PHTF2: variants seen among roughly 807,000 people sequenced by gnomAD.
PHTF2 encodes protein PHTF2.
In PHTF2, 60 loss-of-function variants were observed where a neutral mutation model predicts 101.2. The observed-to-expected ratio is 0.59, with a 90% CI of 0.48 to 0.73. The LOEUF (loss-of-function observed/expected upper bound fraction) is 0.73, where lower values mean the gene tolerates loss of function less well. Ranked by LOEUF, PHTF2 falls within the 30% of genes least tolerant of loss-of-function variation. The pLI is 0.00. For missense variants in PHTF2, 747 were observed against 908.7 expected (o/e 0.82, Z 2.29); for synonymous variants, 311 against 307.3 (o/e 1.01, Z -0.13).
intron 7 of PHTF2, among the ~76,000 whole-genome samples, chr7:77,908,396 C>T (rs1262643943): frequency 1.3e-5 from 2 of 152,116 alleles, no homozygotes; most frequent in African/African-American, 4.8e-5. Context: ...TAATAAGAAG[C>T]TCTTTGTATC....
At chr7:77,801,556 G>C (rs990834663) in intron 1 of PHTF2, among the ~76,000 whole-genome samples, 3 of 152,122 alleles carry the variant, frequency 2.0e-5, no homozygotes, top group East Asian at 3.9e-4. Flanking sequence ...ACTGCACTTG[G>C]CCTGGGTGAC....
At chr7:77,924,045 A>T (rs1803726999) in intron 11 of PHTF2, 2 of 940,822 alleles carry the variant, frequency 2.1e-6, no homozygotes, top group Non-Finnish European at 2.5e-6. Flanking sequence ...TCGTCTATAA[A>T]GTGAAGAATG....
At chr7:77,921,538 C>T (rs1284072816) in intron 10 of PHTF2, among the ~76,000 whole-genome samples, 1 of 152,118 alleles carries the variant, frequency 6.6e-6, no homozygotes, top group Non-Finnish European at 1.5e-5. Flanking sequence ...ACTACTTGAA[C>T]GTTCATGTAT....
At chr7:77,952,690 TGA>T (rs1271224780) in intron 18 of PHTF2, among the ~76,000 whole-genome samples, 1 of 152,120 alleles carries the variant, frequency 6.6e-6, no homozygotes, top group African/African-American at 2.4e-5. Context: ...GCTACAAAGG[TGA>T]GACTCAATGA....
chr7:77,807,453 A>G (rs1214444425), intron 1 of PHTF2, among the ~76,000 whole-genome samples: 1 of 151,946 alleles, frequency 6.6e-6, no homozygotes, highest in East Asian at 1.9e-4. Flanking sequence ...ATAATTAGTG[A>G]TGTTGAGCAT....
At chr7:77,867,781 A>C (rs983313219) in intron 3 of PHTF2, among the ~76,000 whole-genome samples, 1 of 152,230 alleles carries the variant, frequency 6.6e-6, no homozygotes, top group African/African-American at 2.4e-5. Flanking sequence ...ACATCATCTT[A>C]GATTGGGTGA....
At chr7:77,864,828 T>C (rs1797925015) in intron 3 of PHTF2, among the ~76,000 whole-genome samples, 1 of 152,140 alleles carries the variant, frequency 6.6e-6, no homozygotes, top group African/African-American at 2.4e-5. Flanking sequence ...AGAGTAATAT[T>C]GTAGTTACCT....
At chr7:77,922,017 C>CTTTTT (rs35763664) in intron 10 of PHTF2, among the ~76,000 whole-genome samples, 11 of 95,284 alleles carry the variant, frequency 1.2e-4, no homozygotes, top group African/African-American at 2.7e-4. Context: ...GTTTATATTC[C>CTTTTT]TTTTTTTTTT....
At chr7:77,938,507 G>A (rs1482474532) in intron 13 of PHTF2, among the ~76,000 whole-genome samples, 1 of 151,998 alleles carries the variant, frequency 6.6e-6, no homozygotes, top group Admixed American at 6.6e-5. Flanking sequence ...GAGGCGGGCG[G>A]ATCACAAGGT....
At position 77,841,075 on chromosome 7, in the gene PHTF2, CTTTTTTTTTT is replaced by C. The variant is rs57283892; in HGVS notation, c.45+786_45+795del. On this transcript the variant is annotated intron_variant, in intron 2 of 19. Coordinates refer to ENST00000416283, the Ensembl canonical transcript of PHTF2. ...TTTCTTATATAGGAGAAAAAACAGA[CTTTTTTTTTT>C]TTTTTTTTTTGAGATGGAATCTCTC... 3.1e-3 allele frequency among the ~76,000 whole-genome samples: 242 copies of C among 77,280 alleles called. 14 individuals are homozygous for C. The highest frequency in any genetic ancestry group is 0.016 in the African/African-American group (232 of 14,914). 50.7% of individuals were successfully genotyped at this position (77,280 alleles called of 152,430 possible). A position where few individuals can be genotyped will look rare whatever the true frequency, so the allele number is the denominator to read the frequency against.
intron 1 of PHTF2, among the ~76,000 whole-genome samples, chr7:77,813,340 G>A (rs1254230343): frequency 2.0e-5 from 3 of 152,168 alleles, no homozygotes; most frequent in Non-Finnish European, 4.4e-5. Flanking sequence ...CAGGAGAAGA[G>A]AACATAATCA....
At chr7:77,930,751 A>G (rs570280682) in intron 12 of PHTF2, among the ~76,000 whole-genome samples, 48 of 152,278 alleles carry the variant, frequency 3.2e-4, no homozygotes, top group African/African-American at 1.1e-3. Context: ...TACAACAGCT[A>G]TCTTATCCTT....
At chr7:77,920,612 A>G in intron 10 of PHTF2, 147 bp downstream of exon 9, 3 of 641,860 alleles carry the variant, frequency 4.7e-6, no homozygotes. Context: ...ACTGTAAATG[A>G]GATAAAGTGT....
intron 16 of PHTF2, among the ~76,000 whole-genome samples, chr7:77,949,045 C>T (rs1166567041): frequency 6.6e-6 from 1 of 152,062 alleles, no homozygotes; most frequent in Non-Finnish European, 1.5e-5. Context: ...ATAGGGTTGA[C>T]CAATAAGTTG....
At chr7:77,947,835 TTC>T (rs1806196904) in intron 16 of PHTF2, among the ~76,000 whole-genome samples, 2 of 110,150 alleles carry the variant, frequency 1.8e-5, no homozygotes, top group African/African-American at 7.8e-5. Context: ...TCTTTTTTCT[TTC>T]TTTTTTTTTT....
intron 18 of PHTF2, among the ~76,000 whole-genome samples, chr7:77,953,400 T>C (rs1445041585): frequency 2.6e-5 from 4 of 152,214 alleles, no homozygotes; most frequent in Non-Finnish European, 2.9e-5. Context: ...TTACATGTTA[T>C]AATCTTGTCA....
At chr7:77,845,031 T>TA (rs1796168892) in intron 2 of PHTF2, among the ~76,000 whole-genome samples, 1 of 152,222 alleles carries the variant, frequency 6.6e-6, no homozygotes, top group African/African-American at 2.4e-5. Flanking sequence ...GAATAGTTTT[T>TA]AGTTAATAAT....
intron 3 of PHTF2, among the ~76,000 whole-genome samples, chr7:77,871,980 T>C (rs111390888): frequency 0.037 from 5,673 of 152,296 alleles, 357 homozygotes; most frequent in African/African-American, 0.13. Context: ...GACAAACCTC[T>C]GCCCTTTCCG....
chr7:77,854,098 G>A (rs1221440944), intron 2 of PHTF2, among the ~76,000 whole-genome samples: 1 of 152,156 alleles, frequency 6.6e-6, no homozygotes, highest in African/African-American at 2.4e-5. Flanking sequence ...GGATTTCCAA[G>A]TATTCAAAGG....
Sources: gnomAD v4.1 joint callset for allele counts (sites outside exome capture counted in the v4.1 genomes callset) on GRCh38, gnomAD v4.1.1 for gene constraint, MANE v1.5 for transcripts, NCBI Gene and HGNC (gene_info 2026-07-23, HGNC 2026-07-21) for gene names.